Variants in MTERF4 observed in about 807,000 individuals in gnomAD.
MTERF4 encodes mitochondrial transcription termination factor 4, also known as transcription termination factor 4, mitochondrial.
A neutral mutation model predicts 22.5 loss-of-function variants in MTERF4; 17 were observed. That is an observed-to-expected ratio of 0.75 (90% CI 0.52 to 1.13). MTERF4 has a LOEUF of 1.13. Among genes scored for constraint, MTERF4 ranks in the 50% most tolerant of loss-of-function variants. MTERF4 has a pLI of 0.00. For missense variants in MTERF4, 420 were observed against 466.8 expected (o/e 0.90, Z 0.92); for synonymous variants, 165 against 175.3 (o/e 0.94, Z 0.47).
downstream of MTERF4, chr2:241,089,288 T>C (rs899802620): frequency 1.3e-6 from 2 of 1,548,732 alleles, no homozygotes; most frequent in Admixed American, 4.0e-5. Flanking sequence ...TCACAGTTCA[T>C]CTTCCTGGTG....
downstream of MTERF4, chr2:241,087,599 T>C (rs535155381): frequency 7.6e-6 from 11 of 1,450,102 alleles, no homozygotes; most frequent in East Asian, 1.8e-4. Flanking sequence ...CTCGCCCAGA[T>C]AGGCAGCCCC....
chr2:241,046,591 G>A, the MTERF4 span, among the ~76,000 whole-genome samples: 9 of 152,266 alleles, frequency 5.9e-5, no homozygotes, highest in Non-Finnish European at 8.8e-5. Flanking sequence ...GGCATTCTTC[G>A]TAAAACAAAA....
At chr2:241,055,660 C>G in the MTERF4 span, among the ~76,000 whole-genome samples, 1 of 152,188 alleles carries the variant, frequency 6.6e-6, no homozygotes, top group Non-Finnish European at 1.5e-5. Context: ...GCTGCAGGGG[C>G]AAGCACAATG....
At position 241,096,063 on chromosome 2, in the gene MTERF4, C is replaced by G; in HGVS notation, c.1081G>C (p.Asp361His). ...NDEDDNDEDDDDEDDDEAEDN... is the reference protein window; with the variant it reads ...NDEDDNDEDDHDEDDDEAEDN... Reference sequence around the variant, plus strand: ...TCCGCCTCGTCGTCGTCCTCATCATCGTCATCCTCATCATTGTCATCCTCA... The same window carrying G: ...TCCGCCTCGTCGTCGTCCTCATCATGGTCATCCTCATCATTGTCATCCTCA... The change falls in exon 4 of 4, where the codon GAT (aspartate) becomes CAT (histidine). Residue 361 changes from aspartate to histidine, a missense_variant. Transcript: ENST00000391980. This position sits in a 1 kb window ranked among gnomAD's most constrained non-coding sequence, Gnocchi z 5.1. The G allele has an allele frequency of 6.2e-7, 1 of 1,613,370 alleles. No homozygotes were observed. The highest frequency in any genetic ancestry group is 8.5e-7 in the Non-Finnish European group (1 of 1,179,648).
At chr2:241,099,096 T>TTTA in intron 2 of MTERF4, 3 of 230,024 alleles carry the variant, frequency 1.3e-5, no homozygotes, top group Non-Finnish European at 1.6e-5. Flanking sequence ...TTTTTTTTTT[T>TTTA]GAGACAGCCT....
downstream of MTERF4, chr2:241,082,188 C>T (rs1245362636): frequency 8.5e-6 from 9 of 1,052,820 alleles, no homozygotes; most frequent in East Asian, 9.6e-5. Flanking sequence ...TAAGGACCCC[C>T]GGGCCCTCTC....
At position 241,099,506 on chromosome 2, in the gene MTERF4, T is replaced by C. The variant is rs746793552; in HGVS notation, c.410A>G (p.Asn137Ser). 1 of 1,614,206 alleles carries C rather than the reference T, an allele frequency of 6.2e-7. No individual in the cohort carries two copies. The highest frequency in any genetic ancestry group is 8.5e-7 in the Non-Finnish European group (1 of 1,180,052). ...IISEFILLGL[N>S]PEPVCVVLKK... is the part of the protein sequence containing the mutation. ...CAAGACCACACACACAGGCTCTGGA[T>C]TCAGACCCAAGAGAATAAATTCTGA... Residue 137 changes from asparagine (N) to serine (S), a missense_variant, in exon 2 of 4, where the codon AAT becomes AGT. Physicochemically the swap from Asn to Ser is conservative, Grantham distance 46. Transcript: ENST00000391980.
At chr2:241,081,800 C>T (rs373212883) in intron 4 of MTERF4, 7 of 1,565,896 alleles carry the variant, frequency 4.5e-6, no homozygotes, top group African/African-American at 2.7e-5. Flanking sequence ...CTCGGTAAGT[C>T]GGGGCTTGGC....
downstream of MTERF4, chr2:241,070,331 A>G: frequency 1.0e-6 from 1 of 983,610 alleles, no homozygotes; most frequent in African/African-American, 1.6e-5. Flanking sequence ...CCGTGTTAGC[A>G]GGGGAGGAGT....
downstream of MTERF4, among the ~76,000 whole-genome samples, chr2:241,070,890 C>T (rs539341387): frequency 6.6e-6 from 1 of 152,316 alleles, no homozygotes; most frequent in South Asian, 2.1e-4. Flanking sequence ...CGCGGCTCCC[C>T]AGGGAAGAGA....
At chr2:241,049,038 C>A in the MTERF4 span, 1 of 1,613,068 alleles carries the variant, frequency 6.2e-7, no homozygotes, top group South Asian at 1.1e-5. Flanking sequence ...CAGCCATGCC[C>A]TGCAACATGA....
the MTERF4 span, chr2:241,052,297 C>T: frequency 1.3e-6 from 2 of 1,491,346 alleles, no homozygotes; most frequent in Non-Finnish European, 1.8e-6. Flanking sequence ...GGATGCCCCA[C>T]ACAGTCCCGA....
chr2:241,063,923 C>T, the MTERF4 span: 9 of 1,037,088 alleles, frequency 8.7e-6, no homozygotes, highest in Non-Finnish European at 1.3e-5. Flanking sequence ...CGCCCCTAGA[C>T]TCCTCCTTTC....
the MTERF4 span, among the ~76,000 whole-genome samples, chr2:241,055,355 CAG>C: frequency 4.6e-5 from 7 of 152,074 alleles, no homozygotes; most frequent in Non-Finnish European, 8.8e-5. Context: ...CCTAGACAAA[CAG>C]AAAAAGTTTT....
chr2:241,082,391 AC>A, downstream of MTERF4: 5 of 1,575,432 alleles, frequency 3.2e-6, no homozygotes, highest in Non-Finnish European at 4.4e-6. Flanking sequence ...CCTCCGCCTT[AC>A]CGCATTTGTC....
At chr2:241,095,505 A>C (rs2064354241), downstream of MTERF4, 1 of 160,804 alleles carries the variant, frequency 6.2e-6, no homozygotes, top group Non-Finnish European at 1.4e-5. Context: ...AAAAATAAGC[A>C]TTTTTGTGGA....
the MTERF4 span, among the ~76,000 whole-genome samples, chr2:241,043,204 A>G: frequency 3.8e-4 from 58 of 152,376 alleles, 2 homozygotes; most frequent in East Asian, 0.011. Flanking sequence ...GAAGAAAACC[A>G]TGCAAAGCCA....
chr2:241,064,345 C>T, the MTERF4 span, among the ~76,000 whole-genome samples: 1 of 152,010 alleles, frequency 6.6e-6, no homozygotes, highest in African/African-American at 2.4e-5. The surrounding 1 kb of genome is among the most constrained non-coding windows in gnomAD (Gnocchi z 7.0). Flanking sequence ...ATCTCCTGCG[C>T]TCACCCCCCA....
downstream of MTERF4, among the ~76,000 whole-genome samples, chr2:241,084,194 T>C (rs2063470976): frequency 6.7e-6 from 1 of 150,252 alleles, no homozygotes; most frequent in Middle Eastern, 3.4e-3. Context: ...TGGAGTGCGA[T>C]GGTGCGATCT....
Sources: gnomAD v4.1 joint callset for allele counts (sites outside exome capture counted in the v4.1 genomes callset) on GRCh38, gnomAD v4.1.1 for gene constraint, Gnocchi (gnomAD v3.1) non-coding constraint, MANE v1.5 for transcripts, NCBI Gene and HGNC (gene_info 2026-07-23, HGNC 2026-07-21) for gene names.